RARB: variants seen among roughly 807,000 people sequenced by gnomAD.
The protein encoded by RARB is retinoic acid receptor beta.
A neutral mutation model predicts 51.9 loss-of-function variants in RARB; 17 were observed. That is an observed-to-expected ratio of 0.33 (90% confidence interval 0.22 to 0.49). The LOEUF is 0.49. RARB is among the 20% of genes least tolerant of loss of function. The pLI is 0.99. For synonymous variants in RARB, 215 were observed against 195.4 expected, an observed-to-expected ratio of 1.10 and a Z score of -0.84; for missense variants, 369 against 550.8, an observed-to-expected ratio of 0.67 and a Z score of 3.30.
intron 5 of RARB, among the ~76,000 whole-genome samples, chr3:25,400,535 A>AG (rs1707236662): frequency 1.3e-5 from 2 of 152,228 alleles, no homozygotes. Context: ...CTTTCATCAA[A>AG]GATTTATTGG....
At chr3:25,156,050 C>T (rs566837032) in intron 4 of RARB, among the ~76,000 whole-genome samples, 3 of 152,250 alleles carry the variant, frequency 2.0e-5, no homozygotes, top group East Asian at 1.9e-4. Context: ...AATTTTTCGA[C>T]TTGTATCACC....
intron 3 of RARB, among the ~76,000 whole-genome samples, chr3:25,560,968 T>C (rs1700246371): frequency 6.6e-6 from 1 of 152,188 alleles, no homozygotes; most frequent in African/African-American, 2.4e-5. Context: ...GTTGCAATCA[T>C]GTATATATCT....
chr3:24,999,500 C>G (rs1178497584), intron 2 of RARB, among the ~76,000 whole-genome samples: 1 of 152,106 alleles, frequency 6.6e-6, no homozygotes, highest in Non-Finnish European at 1.5e-5. Context: ...AAATCAAAGC[C>G]TACCAATACA....
chr3:25,431,076 T>C (rs899442330), intron 1 of RARB, among the ~76,000 whole-genome samples: 1 of 151,816 alleles, frequency 6.6e-6, no homozygotes, highest in Non-Finnish European at 1.5e-5. Context: ...GTTAGGGCTA[T>C]TGAAATAAAA....
intron 2 of RARB, among the ~76,000 whole-genome samples, chr3:24,969,772 TAGG>T (rs1243765722): frequency 6.6e-6 from 1 of 152,122 alleles, no homozygotes; most frequent in Non-Finnish European, 1.5e-5. Flanking sequence ...CTTTGGATAA[TAGG>T]AGATGTGGAG....
chr3:25,445,999 C>T (rs915622511), intron 1 of RARB, among the ~76,000 whole-genome samples: 18 of 152,176 alleles, frequency 1.2e-4, no homozygotes, highest in African/African-American at 3.9e-4. Context: ...CCTGGCTCTA[C>T]GCCAGGGAAC....
At chr3:25,115,690 C>T (rs906505636) in intron 3 of RARB, among the ~76,000 whole-genome samples, 8 of 149,108 alleles carry the variant, frequency 5.4e-5, no homozygotes, top group African/African-American at 2.0e-4. Context: ...CCTTTCAAGT[C>T]TCACTCTGTC....
At chr3:24,968,733 C>G (rs1696331181) in intron 2 of RARB, among the ~76,000 whole-genome samples, 1 of 152,016 alleles carries the variant, frequency 6.6e-6, no homozygotes, top group Admixed American at 6.6e-5. Flanking sequence ...TCCCAATGTG[C>G]AAATATTTAA....
intron 5 of RARB, among the ~76,000 whole-genome samples, chr3:25,298,962 G>A (rs1428187723): frequency 2.6e-5 from 4 of 152,092 alleles, no homozygotes; most frequent in South Asian, 2.1e-4. Context: ...TTATGCTAAC[G>A]TGCATTCCAC....
At chr3:25,267,981 A>C (rs919537945) in intron 5 of RARB, among the ~76,000 whole-genome samples, 30 of 152,204 alleles carry the variant, frequency 2.0e-4, no homozygotes, top group African/African-American at 6.5e-4. Flanking sequence ...AGGTATTTTC[A>C]AATGCTAGGA....
intron 5 of RARB, among the ~76,000 whole-genome samples, chr3:25,285,122 A>G (rs1039535083): frequency 2.6e-5 from 4 of 152,218 alleles, no homozygotes; most frequent in Non-Finnish European, 5.9e-5. Flanking sequence ...TGAGAGCATC[A>G]TTACCTCAAT....
At chr3:25,339,994 C>G (rs1260434293) in intron 5 of RARB, among the ~76,000 whole-genome samples, 1 of 152,062 alleles carries the variant, frequency 6.6e-6, no homozygotes, top group Non-Finnish European at 1.5e-5. Flanking sequence ...GCAGAAGGTC[C>G]TGAATTGGTT....
At chr3:25,088,576 G>A (rs1212017629) in intron 3 of RARB, among the ~76,000 whole-genome samples, 1 of 152,124 alleles carries the variant, frequency 6.6e-6, no homozygotes, top group Non-Finnish European at 1.5e-5. Context: ...TACCCAATGG[G>A]AGGCCATTAA....
rs1248474581 is a variant in RARB, at chr3:25,116,885, G to A, written c.-327-15276G>A. On this transcript the variant is annotated intron_variant, in intron 3 of 11. Transcript: ENST00000383772. Reference sequence around the variant, plus strand: ...GGAATCAGACTAGGAATGATATGTTGTGCCAATTTTCCTCTTCCTGATTTT... The same window carrying A: ...GGAATCAGACTAGGAATGATATGTTATGCCAATTTTCCTCTTCCTGATTTT... Among the ~76,000 whole-genome samples the A allele has an allele frequency of 5.3e-5, 8 of 152,022 alleles. No individual in the cohort carries two copies. The East Asian group carries it at 1.4e-3, about 26-fold the overall frequency.
In RARB at chr3:25,391,310, G is replaced by T. The variant is rs535723464; in HGVS notation, c.179-69883G>T. ...TACTCATTGTCTTATGGGCATTTGGGCTGGTTCCATATTTTTGCAGTTGTG... is the reference window on the plus strand; with the variant it reads ...TACTCATTGTCTTATGGGCATTTGGTCTGGTTCCATATTTTTGCAGTTGTG... On this transcript the variant is annotated intron_variant, in intron 5 of 11. Coordinates refer to the RARB transcript ENST00000383772. Among the ~76,000 whole-genome samples the T allele has an allele frequency of 5.3e-5, 8 of 152,176 alleles. No homozygotes were observed. In the South Asian group the frequency reaches 1.7e-3, roughly 32 times the overall value.
chr3:24,893,955 A>G (rs1703433949), intron 2 of RARB, among the ~76,000 whole-genome samples: 1 of 152,238 alleles, frequency 6.6e-6, no homozygotes. Flanking sequence ...TGTACCTAAT[A>G]CAAGCCTGTG....
At chr3:25,257,080 T>A (rs1454845231) in intron 5 of RARB, among the ~76,000 whole-genome samples, 1 of 152,156 alleles carries the variant, frequency 6.6e-6, no homozygotes, top group Non-Finnish European at 1.5e-5. Flanking sequence ...TGCACACATT[T>A]AAAGAACATC....
chr3:24,956,867 T>A (rs1411415205), intron 2 of RARB, among the ~76,000 whole-genome samples: 1 of 152,176 alleles, frequency 6.6e-6, no homozygotes, highest in African/African-American at 2.4e-5. Flanking sequence ...GTTCTATGCC[T>A]GTAAGGGAAC....
At chr3:24,911,756 C>G (rs1694993402) in intron 2 of RARB, among the ~76,000 whole-genome samples, 1 of 152,160 alleles carries the variant, frequency 6.6e-6, no homozygotes, top group African/African-American at 2.4e-5. Flanking sequence ...AGTTCAAGAT[C>G]AGCCTGGGAA....
Sources: allele counts gnomAD v4.1 joint callset (sites outside exome capture counted in the v4.1 genomes callset), GRCh38; gene constraint gnomAD v4.1.1; transcripts MANE v1.5; gene names NCBI Gene and HGNC (gene_info 2026-07-23, HGNC 2026-07-21).